HNRNPC: variants seen among roughly 807,000 people sequenced by gnomAD.
HNRNPC encodes heterogeneous nuclear ribonucleoprotein C.
HNRNPC carries 3 observed loss-of-function variants against 33.2 expected under a neutral mutation model. That is an observed-to-expected ratio of 0.09 (90% CI 0.04 to 0.23). The LOEUF (loss-of-function observed/expected upper bound fraction) is 0.23, where lower values mean the gene tolerates loss of function less well. HNRNPC is among the 10% of genes least tolerant of loss of function. The pLI is 1.00. For missense variants in HNRNPC, 143 were observed against 366.7 expected (o/e 0.39, Z 4.98); for synonymous variants, 121 against 126.7 (o/e 0.96, Z 0.30).
At chr14:21,257,485 A>G (rs966583531) in intron 2 of HNRNPC, among the ~76,000 whole-genome samples, 1 of 152,072 alleles carries the variant, frequency 6.6e-6, no homozygotes, top group African/African-American at 2.4e-5. Context: ...TAGTTAATGC[A>G]TCCGTCTCCG....
intron 5 of HNRNPC, among the ~76,000 whole-genome samples, chr14:21,228,077 G>A (rs1035492882): frequency 1.3e-5 from 2 of 152,162 alleles, no homozygotes; most frequent in African/African-American, 4.8e-5. Context: ...ATCCCTATAG[G>A]AGAAGCTGGC....
intron 2 of HNRNPC, among the ~76,000 whole-genome samples, chr14:21,242,002 G>A (rs888015765): frequency 6.6e-6 from 1 of 152,108 alleles, no homozygotes; most frequent in Non-Finnish European, 1.5e-5. Context: ...CTACTAGGTA[G>A]CCATCTTTTT....
intron 2 of HNRNPC, among the ~76,000 whole-genome samples, chr14:21,252,271 C>G (rs1295047168): frequency 6.6e-6 from 1 of 152,144 alleles, no homozygotes; most frequent in Non-Finnish European, 1.5e-5. Context: ...TTACTCAGTT[C>G]TCAGGGTAGT....
chr14:21,215,215 G>T (rs1892028150), intron 5 of HNRNPC, among the ~76,000 whole-genome samples: 2 of 152,132 alleles, frequency 1.3e-5, no homozygotes. Flanking sequence ...AGGCAGAAAT[G>T]GACTCTCATT....
intron 2 of HNRNPC, among the ~76,000 whole-genome samples, chr14:21,253,932 T>C (rs755617863): frequency 6.6e-6 from 1 of 151,474 alleles, no homozygotes; most frequent in Non-Finnish European, 1.5e-5. Flanking sequence ...GCTGGGTGTG[T>C]TGGCACGCAC....
At chr14:21,247,309 G>A (rs1896092560) in intron 2 of HNRNPC, among the ~76,000 whole-genome samples, 1 of 152,094 alleles carries the variant, frequency 6.6e-6, no homozygotes, top group Non-Finnish European at 1.5e-5. Flanking sequence ...CTTTGATTTT[G>A]CTGTAAAGTA....
chr14:21,260,935 C>T (rs971038148), intron 2 of HNRNPC, among the ~76,000 whole-genome samples: 2 of 145,606 alleles, frequency 1.4e-5, no homozygotes, highest in African/African-American at 5.1e-5. Flanking sequence ...TGCACTCCAG[C>T]CTGGGAAACA....
At chr14:21,251,064 G>A (rs376719950) in intron 2 of HNRNPC, among the ~76,000 whole-genome samples, 56 of 151,770 alleles carry the variant, frequency 3.7e-4, no homozygotes, top group African/African-American at 9.2e-4. Context: ...GATCGAGACC[G>A]TCCTGGCTAA....
chr14:21,233,024 T>C (rs1008179769), intron 3 of HNRNPC, among the ~76,000 whole-genome samples: 51 of 151,172 alleles, frequency 3.4e-4, no homozygotes, highest in Non-Finnish European at 4.1e-4. Context: ...ACAACAGAGC[T>C]AGACTCTGTC....
chr14:21,240,373 TG>T (rs1262026721), intron 2 of HNRNPC, among the ~76,000 whole-genome samples: 2 of 152,220 alleles, frequency 1.3e-5, no homozygotes, highest in Non-Finnish European at 2.9e-5. Context: ...AAACCAATCT[TG>T]GATTGTCAAT....
At chr14:21,237,503 G>A (rs1344903076) in intron 2 of HNRNPC, among the ~76,000 whole-genome samples, 4 of 152,216 alleles carry the variant, frequency 2.6e-5, no homozygotes, top group Non-Finnish European at 5.9e-5. Context: ...CTGGGACCAA[G>A]GCTTACTCAG....
At chr14:21,237,224 A>C (rs1414575491) in intron 2 of HNRNPC, among the ~76,000 whole-genome samples, 3 of 152,196 alleles carry the variant, frequency 2.0e-5, no homozygotes, top group Admixed American at 1.3e-4. Context: ...AAAAGGTAAC[A>C]ACCATTATGA....
At chr14:21,250,326 G>C (rs1046387127) in intron 2 of HNRNPC, among the ~76,000 whole-genome samples, 3 of 152,010 alleles carry the variant, frequency 2.0e-5, no homozygotes, top group African/African-American at 7.2e-5. Flanking sequence ...CTTGCAAATG[G>C]TTCAGCAAAA....
chr14:21,235,771 A>G (rs1437908047), intron 2 of HNRNPC, among the ~76,000 whole-genome samples: 1 of 152,168 alleles, frequency 6.6e-6, no homozygotes, highest in Admixed American at 6.5e-5. Flanking sequence ...CATTATTACA[A>G]GTGGAGGTAT....
chr14:21,233,396 T>TA (rs1260124989), intron 3 of HNRNPC, among the ~76,000 whole-genome samples: 1 of 152,216 alleles, frequency 6.6e-6, no homozygotes, highest in African/African-American at 2.4e-5. Flanking sequence ...AAAGGTATGA[T>TA]AATTTTGAAA....
At chr14:21,211,977 T>A in intron 6 of HNRNPC, 54 bp from the exon 7 acceptor site, 1 of 1,353,606 alleles carries the variant, frequency 7.4e-7, no homozygotes, top group Non-Finnish European at 1.1e-6. Context: ...AGATATGAGT[T>A]AGCAAATACA....
chr14:21,256,613 A>G (rs1398902397), intron 2 of HNRNPC, among the ~76,000 whole-genome samples: 3 of 152,160 alleles, frequency 2.0e-5, no homozygotes, highest in Admixed American at 2.0e-4. Flanking sequence ...TGTCGACAGT[A>G]TGAGTAGTGG....
At chr14:21,216,120 CAAAA>C (rs370660995) in intron 5 of HNRNPC, among the ~76,000 whole-genome samples, 3 of 87,846 alleles carry the variant, frequency 3.4e-5, no homozygotes, top group South Asian at 3.4e-4. Context: ...CCTCCACCAC[CAAAA>C]AAAAAAAAAA....
Position 21,211,530 on chromosome 14 carries a change from C to T in HNRNPC, c.674G>A (p.Ser225Asn). 1 of 1,611,934 alleles carries T rather than the reference C, an allele frequency of 6.2e-7. No homozygotes were observed. The highest frequency in any genetic ancestry group is 8.5e-7 in the Non-Finnish European group (1 of 1,179,040). ...CTCATCTTTCTTCACGGAGCTGCTGCTCTGCTCCTCTTCTGACTTATCATT... is the reference window on the plus strand; with the variant it reads ...CTCATCTTTCTTCACGGAGCTGCTGTTCTGCTCCTCTTCTGACTTATCATT... ...MKNDKSEEEQSSSSVKKDETN... is the reference protein window; with the variant it reads ...MKNDKSEEEQNSSSVKKDETN... Residue 225 changes from serine to asparagine, a missense_variant, in exon 8 of 9, where the codon AGC (serine) becomes AAC (asparagine). This residue lies in a region of HNRNPC where 131 missense variants were observed against 253.0 expected (regional missense o/e 0.52). Coordinates refer to ENST00000553300, the MANE Select transcript of HNRNPC (RefSeq NM_004500.4).
Sources: allele counts gnomAD v4.1 joint callset (sites outside exome capture counted in the v4.1 genomes callset), GRCh38; gene constraint gnomAD v4.1.1; regional missense constraint gnomAD v4.1.1; transcripts MANE v1.5; gene names NCBI Gene and HGNC (gene_info 2026-07-23, HGNC 2026-07-21).